Variants in ALPK3 observed in about 807,000 individuals in gnomAD.
The protein encoded by ALPK3 is alpha kinase 3.
In ALPK3, 102 loss-of-function variants were observed where a neutral mutation model predicts 140.0. The observed-to-expected ratio is 0.73, with a 90% confidence interval of 0.62 to 0.86. ALPK3 has a LOEUF of 0.86. Among genes scored for constraint, ALPK3 ranks in the 40% least tolerant of loss-of-function variants. The pLI, the probability that ALPK3 is intolerant of heterozygous loss-of-function variation, is 0.00. For synonymous variants in ALPK3, 938 were observed against 898.5 expected (o/e 1.04, Z -0.79); for missense variants, 2,254 against 2,208.2 (o/e 1.02, Z -0.42).
At chr15:84,821,131 T>A (rs190837642) in intron 1 of ALPK3, among the ~76,000 whole-genome samples, 121 of 152,290 alleles carry the variant, frequency 7.9e-4, no homozygotes, top group Non-Finnish European at 1.6e-3. Context: ...AATGGGGAGC[T>A]CCCCTGCCTG....
chr15:84,868,673 A>C lies in ALPK3; in HGVS notation c.*217A>C. ...ACTGGCCTCTTCTGGTGCCACTGTC[A>C]CCCAGGGCTCCCGGGCCTCAAGCAG... On this transcript the variant is annotated 3_prime_UTR_variant, in exon 14 of 14. Coordinates refer to ENST00000258888, the MANE Select transcript of ALPK3 (RefSeq NM_020778.5). 1 of 581,520 alleles carries C rather than the reference A, an allele frequency of 1.7e-6. No homozygotes were observed. Among genetic ancestry groups the C allele is most frequent in the Non-Finnish European group, 3.0e-6 (1 of 331,680 alleles). 36.0% of individuals were successfully genotyped at this position (581,520 alleles called of 1,614,324 possible).
intron 11 of ALPK3, among the ~76,000 whole-genome samples, 163 bp downstream of exon 11, chr15:84,863,803 T>TA (rs1349803593): frequency 2.0e-5 from 3 of 152,294 alleles, no homozygotes; most frequent in Non-Finnish European, 4.4e-5. Flanking sequence ...AATGTAGAAA[T>TA]AGAGACCTCA....
In ALPK3 at chr15:84,868,165, C is replaced by T. The variant is rs774050875; in HGVS notation, c.4827C>T (p.Ser1609=). 6.2e-7 allele frequency: 1 copy of T among 1,614,132 alleles called. No individual in the cohort carries two copies. The highest frequency in any genetic ancestry group is 1.1e-5 in the South Asian group (1 of 91,088). ...CFPALLDRFA[S]SHQCNAYCEL... ...CTGCCCTGCTGGACCGGTTCGCCTC[C>T]TCCCACCAGTGCAATGCCTACTGTG... Residue 1609 remains serine (S), a synonymous_variant, in exon 14 of 14, where the codon TCC becomes TCT. Transcript: ENST00000258888.
intron 5 of ALPK3, among the ~76,000 whole-genome samples, chr15:84,851,709 T>G (rs1160594584): frequency 1.3e-5 from 2 of 152,220 alleles, no homozygotes; most frequent in African/African-American, 4.8e-5. Flanking sequence ...TTTGGATGTT[T>G]GTTTTATTTA....
chr15:84,853,517 G>A (rs1475304727), intron 5 of ALPK3, among the ~76,000 whole-genome samples: 1 of 152,190 alleles, frequency 6.6e-6, no homozygotes, highest in Non-Finnish European at 1.5e-5. Flanking sequence ...GGGAGGCTAA[G>A]GCAGGAGAAT....
At chr15:84,848,690 C>T (rs1400911529) in intron 5 of ALPK3, among the ~76,000 whole-genome samples, 2 of 152,150 alleles carry the variant, frequency 1.3e-5, no homozygotes, top group African/African-American at 4.8e-5. Context: ...ACCAGAAAAA[C>T]TTTCCCAACT....
At chr15:84,865,271 A>G (rs978108222) in intron 12 of ALPK3, among the ~76,000 whole-genome samples, 1 of 152,160 alleles carries the variant, frequency 6.6e-6, no homozygotes, top group African/African-American at 2.4e-5. Flanking sequence ...GCAGAACTGG[A>G]CAGAGGAGAG....
In ALPK3 at chr15:84,862,730, G is replaced by T; in HGVS notation, c.4225G>T (p.Glu1409Ter). The T allele has an allele frequency of 6.2e-7, 1 of 1,614,152 alleles. No homozygotes were observed. Among genetic ancestry groups the T allele is most frequent in the Non-Finnish European group, 8.5e-7 (1 of 1,180,024 alleles). ...GDKLFGRLVS[E>*]ELRGGGYGCG... ...CAAGCTCTTTGGGCGACTGGTAAGC[G>T]AGGAGCTCCGAGGGGGTGGATATGG... The change falls in exon 10 of 14, where the codon GAG becomes TAG. Residue 1409 changes from glutamate (E) to a stop codon, truncating the protein, a stop_gained. Coordinates refer to ENST00000258888, the MANE Select transcript of ALPK3 (RefSeq NM_020778.5). LOFTEE classifies it high-confidence loss of function.
rs1963449536 is a variant in ALPK3, at chr15:84,823,351, T to A, written c.165T>A (p.Ser55=). ...PETSLSSNRL[S]HPSSGRSTFC... is the part of the protein sequence containing the mutation. ...TTAGCTTATCAAGCAACCGGTTGTC[T>A]CACCCCAGCTCTGGAAGGTAAATGC... Residue 55 remains serine (S), a synonymous_variant, in exon 2 of 14, where the codon TCT becomes TCA. Coordinates refer to ENST00000258888, the MANE Select transcript of ALPK3 (RefSeq NM_020778.5). 3.7e-6 allele frequency: 6 copies of A among 1,614,108 alleles called. No individual in the cohort carries two copies. The highest frequency in any genetic ancestry group is 5.1e-6 in the Non-Finnish European group (6 of 1,180,038).
chr15:84,836,762 G>A (rs1184270877), intron 3 of ALPK3, among the ~76,000 whole-genome samples: 1 of 152,130 alleles, frequency 6.6e-6, no homozygotes, highest in African/African-American at 2.4e-5. Flanking sequence ...TAGAAATTTG[G>A]GAGTCCATGA....
Position 84,856,930 on chromosome 15 carries a change from G to A in ALPK3, c.2192G>A (p.Ser731Asn). 1 of 1,614,052 alleles carries A rather than the reference G, an allele frequency of 6.2e-7. No individual in the cohort carries two copies. The highest frequency in any genetic ancestry group is 8.5e-7 in the Non-Finnish European group (1 of 1,179,968). The change falls in exon 6 of 14, where the codon AGC becomes AAC. Residue 731 changes from serine to asparagine, a missense_variant. Around this residue, in one of 3 missense-constraint regions of ALPK3, gnomAD observed 2,088 missense variants for 2,022.9 expected, o/e 1.03. Transcript: ENST00000258888. Reference sequence around the variant, plus strand: ...CAGTCTGAGCAAGAGGTGGCAACCAGCCTCGGCCCACCATCCAGAACCCCC... The same window carrying A: ...CAGTCTGAGCAAGAGGTGGCAACCAACCTCGGCCCACCATCCAGAACCCCC... ...EGQSEQEVAT[S>N]LGPPSRTPKL...
intron 5 of ALPK3, among the ~76,000 whole-genome samples, chr15:84,856,093 T>C (rs1029155895): frequency 1.3e-5 from 2 of 152,118 alleles, no homozygotes; most frequent in Admixed American, 6.5e-5. Context: ...GAGCAAGGTC[T>C]TTCAGGAAAG....
At chr15:84,825,373 C>T (rs1199311294) in intron 2 of ALPK3, among the ~76,000 whole-genome samples, 1 of 152,056 alleles carries the variant, frequency 6.6e-6, no homozygotes, top group Non-Finnish European at 1.5e-5. Context: ...GACGGGGTTT[C>T]ACCACATTGG....
rs1223111139 is a variant in ALPK3 at position 84,872,803 on chromosome 15, A to C, written c.*4347A>C. The C allele has an allele frequency of 1.3e-5, 2 of 152,100 alleles. No individual in the cohort carries two copies. The highest frequency in any genetic ancestry group is 3.8e-4 in the East Asian group (2 of 5,206). The allele number at this position is 152,100 out of a possible 1,614,324, so 9.4% of individuals were successfully genotyped here. A position where few individuals can be genotyped will look rare whatever the true frequency, so the allele number is the denominator to read the frequency against. On this transcript the variant is annotated 3_prime_UTR_variant, in exon 14 of 14. Coordinates refer to ENST00000258888, the MANE Select transcript of ALPK3 (RefSeq NM_020778.5). ...GACCTCTTTGGGGAAGGCTGCAAGG[A>C]AGGTTCACAACATGCATCTAAGTGT...
At chr15:84,859,099 G>A (rs1321494049) in intron 6 of ALPK3, 144 bp from the exon 7 acceptor site, 4 of 1,110,686 alleles carry the variant, frequency 3.6e-6, no homozygotes, top group South Asian at 3.2e-5. Context: ...TAGGCAGGAG[G>A]CACCGGGGGG....
Position 84,859,389 on chromosome 15 carries a change from A to T in ALPK3, c.3964A>T (p.Ser1322Cys). ...GCGCCCAGTGGGCGAGGTGGGCAGG[A>T]GGTAAGCCAACGACACCACTGCCAC... ...DQRPVGEVGR[S>C]AGDEGPAALA... Residue 1322 changes from serine (S) to cysteine (C), a missense_variant and splice_region_variant, in exon 7 of 14, where the codon AGC becomes TGC. This residue lies in a region of ALPK3 where 2,088 missense variants were observed against 2,022.9 expected (regional missense o/e 1.03). Transcript: ENST00000258888. The T allele has an allele frequency of 6.2e-7, 1 of 1,614,048 alleles. No individual in the cohort carries two copies. The highest frequency in any genetic ancestry group is 8.5e-7 in the Non-Finnish European group (1 of 1,179,952).
intron 4 of ALPK3, among the ~76,000 whole-genome samples, chr15:84,839,468 T>C (rs1052336494): frequency 6.6e-6 from 1 of 152,194 alleles, no homozygotes; most frequent in African/African-American, 2.4e-5. Context: ...CCAAGTCTAA[T>C]CCCTCCTGGG....
chr15:84,827,701 G>A (rs558140684), intron 3 of ALPK3, 96 bp downstream of exon 3: 1 of 1,530,756 alleles, frequency 6.5e-7, no homozygotes, highest in Non-Finnish European at 8.9e-7. Flanking sequence ...GGCGGGCTGT[G>A]TGCACAAAAC....
At chr15:84,852,266 T>G (rs1963813407) in intron 5 of ALPK3, among the ~76,000 whole-genome samples, 1 of 152,144 alleles carries the variant, frequency 6.6e-6, no homozygotes, top group South Asian at 2.1e-4. Context: ...ACCAGGACAG[T>G]TGATCTGGTA....
Sources: gnomAD v4.1 joint callset for allele counts (sites outside exome capture counted in the v4.1 genomes callset) on GRCh38, gnomAD v4.1.1 for gene constraint, gnomAD v4.1.1 regional missense constraint, MANE v1.5 for transcripts, NCBI Gene and HGNC (gene_info 2026-07-23, HGNC 2026-07-21) for gene names.